The following COL5A1 variants were observed in gnomAD, a reference collection of about 807,000 sequenced individuals.
The protein encoded by COL5A1 is collagen type V alpha 1 chain, also known as collagen alpha-1(V) chain.
COL5A1 carries 16 observed loss-of-function variants against 263.7 expected under a neutral mutation model. The ratio of observed to expected loss-of-function variants is 0.06; its 90% CI spans 0.04 to 0.09. The LOEUF (loss-of-function observed/expected upper bound fraction) is 0.09. COL5A1 is among the 10% of genes least tolerant of loss of function. The pLI is 1.00. For missense variants in COL5A1, 2,036 were observed against 2,540.5 expected (o/e 0.80, Z 4.27); for synonymous variants, 1,012 against 1,004.5 (o/e 1.01, Z -0.14).
intron 26 of COL5A1, 40 bp from the exon 27 acceptor site, chr9:134,774,819 A>G: frequency 2.1e-5 from 33 of 1,605,664 alleles, no homozygotes; most frequent in Non-Finnish European, 2.8e-5. Flanking sequence ...GCACCTCCAC[A>G]CTGGCATGGG....
intron 1 of COL5A1, among the ~76,000 whole-genome samples, chr9:134,669,670 A>C (rs762753065): frequency 6.2e-4 from 95 of 152,310 alleles, no homozygotes; most frequent in Non-Finnish European, 1.2e-3. Context: ...AGTCAGAATC[A>C]TCATGAGGTG....
Position 134,802,980 on chromosome 9 carries a change from A to G in COL5A1, c.3099A>G (p.Gly1033=), listed in dbSNP as rs1016663584. 88 of 1,604,736 alleles carry G rather than the reference A, an allele frequency of 5.5e-5. No homozygotes were observed. Among genetic ancestry groups the G allele is most frequent in the Non-Finnish European group, 7.3e-5 (86 of 1,176,350 alleles). The change falls in exon 39 of 66, where the codon GGA becomes GGG. Residue 1033 remains glycine (G), a synonymous_variant. Transcript: ENST00000371817. ...PGEQGLPGLA[G]KEGTKGDPGP... ...AACAGGGGCTTCCGGGCCTTGCTGG[A>G]AAAGAAGGGACGAAGGTGAGTTTCT... is the stretch of plus-strand genomic sequence containing the variant.
At chr9:134,706,011 GT>G (rs1222670029) in intron 4 of COL5A1, among the ~76,000 whole-genome samples, 1 of 152,222 alleles carries the variant, frequency 6.6e-6, no homozygotes, top group African/African-American at 2.4e-5. Context: ...CAAGGTTTGG[GT>G]TCGCAGGCCC....
At chr9:134,767,870 C>T (rs117423337) in intron 24 of COL5A1, among the ~76,000 whole-genome samples, 2,149 of 152,332 alleles carry the variant, frequency 0.014, 37 homozygotes, top group Non-Finnish European at 0.02. Flanking sequence ...TCAGCAAAAA[C>T]ACCTCCAAGG....
intron 2 of COL5A1, among the ~76,000 whole-genome samples, chr9:134,697,196 G>A (rs868473047): frequency 5.3e-5 from 8 of 152,152 alleles, no homozygotes; most frequent in Non-Finnish European, 1.0e-4. Flanking sequence ...CCCGGACAGC[G>A]TAGATTATAA....
rs7033722 is a variant in COL5A1, at chr9:134,780,789, C to A, written c.2430+643C>A. 3.5e-3 allele frequency among the ~76,000 whole-genome samples: 528 copies of A among 152,350 alleles called. 3 individuals carry two copies. Among genetic ancestry groups the A allele is most frequent in the African/African-American group, 0.012 (496 of 41,574 alleles). ...GAGCTGCGTGGCCGGCCACCTTTCT[C>A]TTCTCACTGTGGTGGAAGGAAGCTC... On this transcript the variant is annotated intron_variant, in intron 28 of 65. Coordinates refer to ENST00000371817, the MANE Select transcript of COL5A1 (RefSeq NM_000093.5).
rs535971100 is a variant in COL5A1 at position 134,821,043 on chromosome 9, G to T, written c.4554+820G>T. Among the ~76,000 whole-genome samples, 1 of 152,130 alleles carries T rather than the reference G, an allele frequency of 6.6e-6. No individual in the cohort carries two copies. Among genetic ancestry groups the T allele is most frequent in the African/African-American group, 2.4e-5 (1 of 41,446 alleles). ...CCGGGGAAGGTTGCAGGACATGGCT[G>T]AAGGGTGGAGCTCATTGCAAACCCT... On this transcript the variant is annotated intron_variant, in intron 58 of 65. Coordinates refer to ENST00000371817, the MANE Select transcript of COL5A1 (RefSeq NM_000093.5). The surrounding 1 kb of genome is among the most constrained non-coding windows in gnomAD (Gnocchi z 4.2).
chr9:134,801,046 A>C (rs1019087132), intron 37 of COL5A1, among the ~76,000 whole-genome samples: 6 of 152,194 alleles, frequency 3.9e-5, no homozygotes, highest in Non-Finnish European at 8.8e-5. Context: ...CCTGGAAAAG[A>C]AGCTTATGTT....
At chr9:134,766,520 G>A (rs767584917) in intron 22 of COL5A1, 22 bp downstream of exon 22, 1 of 1,613,448 alleles carries the variant, frequency 6.2e-7, no homozygotes, top group South Asian at 1.1e-5. Context: ...GGGTCCCGTG[G>A]CCTGGCTTCA....
In COL5A1 at chr9:134,824,585, T is replaced by C. The variant is rs780287393; in HGVS notation, c.4699-15T>C. On this transcript the variant is annotated splice_polypyrimidine_tract_variant and intron_variant, in intron 61 of 65. Transcript: ENST00000371817. ...ATCCTCCATCACCCACCGCTGCTCC[T>C]GTTCTGTCCCCCAGGGCCCCCCGGG... 23 of 1,613,798 alleles carry C rather than the reference T, an allele frequency of 1.4e-5. No homozygotes were observed. In the East Asian group the frequency reaches 3.3e-4, roughly 23 times the overall value.
chr9:134,827,631 C>T (rs967723464), intron 63 of COL5A1, among the ~76,000 whole-genome samples: 8 of 152,232 alleles, frequency 5.3e-5, no homozygotes, highest in South Asian at 2.1e-4. Context: ...CTGGTGTTCA[C>T]GGCACAGCAG....
At chr9:134,715,592 C>G (rs775188061) in intron 4 of COL5A1, among the ~76,000 whole-genome samples, 1 of 152,158 alleles carries the variant, frequency 6.6e-6, no homozygotes, top group Admixed American at 6.5e-5. Context: ...GTCCCCGCGG[C>G]CTTCTGCAGT....
At chr9:134,747,090 G>A (rs1223509735) in intron 11 of COL5A1, among the ~76,000 whole-genome samples, 3 of 152,220 alleles carry the variant, frequency 2.0e-5, no homozygotes, top group Admixed American at 6.5e-5. Context: ...TGGCCCTGAG[G>A]ACTTGTGTCA....
At chr9:134,651,251 T>A (rs537425581) in intron 1 of COL5A1, among the ~76,000 whole-genome samples, 1 of 152,198 alleles carries the variant, frequency 6.6e-6, no homozygotes, top group Non-Finnish European at 1.5e-5. Flanking sequence ...TGCCATAAAA[T>A]GACATAAAAA....
chr9:134,822,728 C>CG lies in COL5A1; in HGVS notation c.4609-269dup, dbSNP rs141689755. ...ATGCTCTTTTCCGCTGCGCCCCCCCCGCGGCTGTCTGAGCTGGGGTTTCCT... is the reference window on the plus strand; with the variant it reads ...ATGCTCTTTTCCGCTGCGCCCCCCCCGGCGGCTGTCTGAGCTGGGGTTTCCT... On this transcript the variant is annotated intron_variant, in intron 59 of 65. Transcript: ENST00000371817. 0.038 allele frequency among the ~76,000 whole-genome samples: 5,796 copies of CG among 151,444 alleles called. 151 individuals carry two copies. The highest frequency in any genetic ancestry group is 0.057 in the Non-Finnish European group (3,856 of 67,902).
intron 4 of COL5A1, among the ~76,000 whole-genome samples, chr9:134,714,633 A>G (rs1451870722): frequency 2.0e-5 from 2 of 99,416 alleles, no homozygotes; most frequent in Admixed American, 1.0e-4. Context: ...GTGGTGGTGG[A>G]GGTGATGGTG....
intron 11 of COL5A1, among the ~76,000 whole-genome samples, chr9:134,749,854 C>T (rs1365543801): frequency 6.6e-6 from 1 of 152,236 alleles, no homozygotes; most frequent in East Asian, 1.9e-4. Context: ...AATCATCTTA[C>T]TGGTTTTACA....
chr9:134,665,055 C>G (rs947391589), intron 1 of COL5A1, among the ~76,000 whole-genome samples: 7 of 152,076 alleles, frequency 4.6e-5, no homozygotes, highest in African/African-American at 1.7e-4. Flanking sequence ...AAAAATTAGC[C>G]AGGTGTGGTG....
At chr9:134,785,823 T>C (rs1279429963) in intron 30 of COL5A1, among the ~76,000 whole-genome samples, 172 bp from the exon 31 acceptor site, 3 of 152,132 alleles carry the variant, frequency 2.0e-5, no homozygotes, top group Admixed American at 1.3e-4. Flanking sequence ...GTGCTGGCAG[T>C]CACCCTCCAC....
Sources: gnomAD v4.1 joint callset for allele counts (sites outside exome capture counted in the v4.1 genomes callset) on GRCh38, gnomAD v4.1.1 for gene constraint, Gnocchi (gnomAD v3.1) non-coding constraint, MANE v1.5 for transcripts, NCBI Gene and HGNC (gene_info 2026-07-23, HGNC 2026-07-21) for gene names.